The following RAD21 variants were observed in gnomAD, a reference collection of about 807,000 sequenced individuals.
RAD21 encodes RAD21 cohesin complex component, also known as double-strand-break repair protein rad21 homolog.
In RAD21, 18 loss-of-function variants were observed where a neutral mutation model predicts 71.5. That is an observed-to-expected ratio of 0.25 (90% CI 0.17 to 0.37). RAD21 has a LOEUF of 0.37. Among genes scored for constraint, RAD21 ranks in the 10% least tolerant of loss-of-function variants. The probability of loss-of-function intolerance (pLI) is 1.00; values close to 1 mark genes in which losing one functional copy is unlikely to be tolerated. For missense variants in RAD21, 493 were observed against 769.1 expected, an observed-to-expected ratio of 0.64 and a Z score of 4.25; for synonymous variants, 248 against 254.0, an observed-to-expected ratio of 0.98 and a Z score of 0.22.
intron 12 of RAD21, among the ~76,000 whole-genome samples, chr8:116,850,373 C>G (rs1480861721): frequency 6.6e-6 from 1 of 152,160 alleles, no homozygotes; most frequent in Non-Finnish European, 1.5e-5. Context: ...AGCAAGAAAT[C>G]AGTGTAAGGA....
intron 3 of RAD21, among the ~76,000 whole-genome samples, chr8:116,862,550 T>G (rs2130478332): frequency 6.6e-6 from 1 of 152,208 alleles, no homozygotes; most frequent in African/African-American, 2.4e-5. Flanking sequence ...TAGAAACTGT[T>G]TAAGGCATTT....
Position 116,847,477 on chromosome 8 carries a change from C to T in RAD21, c.*23G>A, listed in dbSNP as rs1390979258. ...TTTGTAAGCACTAGTGAATCAAACA[C>T]TAGCTATAATGCTTCTAGCTCCTTA... On this transcript the variant is annotated 3_prime_UTR_variant, in exon 14 of 14. Coordinates refer to ENST00000297338, the MANE Select transcript of RAD21 (RefSeq NM_006265.3). 6.4e-7 allele frequency: 1 copy of T among 1,566,156 alleles called. No individual in the cohort carries two copies. Among genetic ancestry groups the T allele is most frequent in the Non-Finnish European group, 8.7e-7 (1 of 1,152,798 alleles).
intron 8 of RAD21, among the ~76,000 whole-genome samples, chr8:116,855,281 C>T (rs1812438659): frequency 1.3e-5 from 2 of 152,158 alleles, no homozygotes; most frequent in Non-Finnish European, 2.9e-5. Flanking sequence ...AAGGTAAAAA[C>T]TATGTCTAAA....
At chr8:116,852,799 TAATA>T (rs1214321317) in intron 9 of RAD21, 91 bp from the exon 10 acceptor site, 2 of 930,876 alleles carry the variant, frequency 2.1e-6, no homozygotes, top group East Asian at 3.0e-5. Context: ...AGGTATGTTC[TAATA>T]AATATAAGTG....
Position 116,858,407 on chromosome 8 carries a change from C to T in RAD21, c.426G>A (p.Glu142=). 6.2e-7 allele frequency: 1 copy of T among 1,613,238 alleles called. No homozygotes were observed. Among genetic ancestry groups the T allele is most frequent in the Admixed American group, 1.7e-5 (1 of 59,944 alleles). The change falls in exon 5 of 14, where the codon GAG becomes GAA. Residue 142 remains glutamate, a synonymous_variant. Coordinates refer to ENST00000297338, the MANE Select transcript of RAD21 (RefSeq NM_006265.3). ...TCCCAACTTCTTCTCTCATGGTTAT[C>T]TCTTCCACTCTACTCTGATTCAAGC... is the stretch of plus-strand genomic sequence containing the variant. The part of the protein sequence containing the change: ...QFSLNQSRVE[E]ITMREEVGNI...
chr8:116,856,558 ACAACTTTTAGTTTGTCAT>A, intron 7 of RAD21, 70 bp downstream of exon 7: 1 of 1,370,716 alleles, frequency 7.3e-7, no homozygotes, highest in Non-Finnish European at 9.7e-7. Flanking sequence ...ACTAAAAACT[ACAACTTTTAGTTTGTCAT>A]CTTCTATGGT....
chr8:116,851,471 C>T (rs2130457638), intron 11 of RAD21: 1 of 152,588 alleles, frequency 6.6e-6, no homozygotes. Context: ...ATTGGAAAGC[C>T]CTAAACCAAA....
At chr8:116,869,846 A>C (rs1381150449) in intron 1 of RAD21, among the ~76,000 whole-genome samples, 1 of 152,224 alleles carries the variant, frequency 6.6e-6, no homozygotes, top group Non-Finnish European at 1.5e-5. Flanking sequence ...TCTAAAAGAT[A>C]CAGAGTAATT....
chr8:116,856,919 A>G (rs761478563), intron 6 of RAD21, 148 bp from the exon 7 acceptor site: 4 of 529,468 alleles, frequency 7.6e-6, no homozygotes, highest in African/African-American at 2.0e-5. Flanking sequence ...GGTAGTTTAT[A>G]AAAGTATAAA....
Position 116,866,346 on chromosome 8 carries a change from TATTTGCCATTAAAA to T in RAD21, c.144+226_144+239del, listed in dbSNP as rs1344108762. On this transcript the variant is annotated intron_variant, in intron 2 of 13. Transcript: ENST00000297338. The stretch of plus-strand genomic sequence containing the variant: ...TTTGGGCATTGCCCTGACTGATGCT[TATTTGCCATTAAAA>T]ATAGGCAAATCAAAATATATGCACT... Among the ~76,000 whole-genome samples, 4 of 152,130 alleles carry T rather than the reference TATTTGCCATTAAAA, an allele frequency of 2.6e-5. No individual in the cohort carries two copies. In the East Asian group the frequency reaches 5.8e-4, roughly 22 times the overall value.
intron 13 of RAD21, 28 bp downstream of exon 13, chr8:116,848,917 AT>A: frequency 1.3e-6 from 2 of 1,574,752 alleles, no homozygotes; most frequent in Non-Finnish European, 1.7e-6. Flanking sequence ...TTGATGAAGC[AT>A]TTTCCTCTGA....
rs966399468 is a variant in RAD21 at position 116,874,597 on chromosome 8, G to A, written c.-33+14C>T. ...GGAGCTGGAGGAAAAGAAGGGGTCGGCCGAGTCTCTTACCTTGCTCTCCGC... is the reference window on the plus strand; with the variant it reads ...GGAGCTGGAGGAAAAGAAGGGGTCGACCGAGTCTCTTACCTTGCTCTCCGC... On this transcript the variant is annotated intron_variant, in intron 1 of 13. Transcript: ENST00000297338. 1 of 338,234 alleles carries A rather than the reference G, an allele frequency of 3.0e-6. No homozygotes were observed. Among genetic ancestry groups the A allele is most frequent in the Non-Finnish European group, 5.8e-6 (1 of 172,022 alleles). 21.0% of individuals were successfully genotyped at this position (338,234 alleles called of 1,614,324 possible).
rs1812596890 is a variant in RAD21, at chr8:116,861,690, T to C, written c.374+151A>G. 6 of 429,656 alleles carry C rather than the reference T, an allele frequency of 1.4e-5. 1 individual carries two copies. Among genetic ancestry groups the C allele is most frequent in the South Asian group, 9.5e-5 (2 of 21,128 alleles). The allele number at this position is 429,656 out of a possible 1,614,324, so 26.6% of individuals were successfully genotyped here. A position where few individuals can be genotyped will look rare whatever the true frequency, so the allele number is the denominator to read the frequency against. On this transcript the variant is annotated intron_variant, in intron 4 of 13. Coordinates refer to ENST00000297338, the MANE Select transcript of RAD21 (RefSeq NM_006265.3). ...CAGAAGAACAACTTTCTAGGTTTTA[T>C]GTTCCATATTTATATACTATCCTAT...
chr8:116,864,680 G>C (rs1448721781), intron 2 of RAD21, among the ~76,000 whole-genome samples: 2 of 151,946 alleles, frequency 1.3e-5, no homozygotes, highest in Non-Finnish European at 2.9e-5. Flanking sequence ...TAAGAACAAA[G>C]GAGGGAAAAA....
intron 8 of RAD21, 25 bp from the exon 9 acceptor site, chr8:116,854,493 T>A: frequency 6.3e-7 from 1 of 1,577,996 alleles, no homozygotes; most frequent in Non-Finnish European, 8.7e-7. Flanking sequence ...AAAAATAAGA[T>A]CATTTTCCTG....
At chr8:116,865,941 A>T (rs1812681284) in intron 2 of RAD21, among the ~76,000 whole-genome samples, 1 of 152,136 alleles carries the variant, frequency 6.6e-6, no homozygotes, top group Non-Finnish European at 1.5e-5. Context: ...TTATATTAAC[A>T]CATCATTACC....
chr8:116,847,383 CAA>C lies in RAD21; in HGVS notation c.*115_*116del. On this transcript the variant is annotated 3_prime_UTR_variant, in exon 14 of 14. Coordinates refer to ENST00000297338, the MANE Select transcript of RAD21 (RefSeq NM_006265.3). The stretch of plus-strand genomic sequence containing the variant: ...GGAAAAAAATGAAGAAGGAAAAAGG[CAA>C]AGACTTTGTACAGACAAAAATCTAA... The C allele has an allele frequency of 1.1e-6, 1 of 872,322 alleles. No individual in the cohort carries two copies. The highest frequency in any genetic ancestry group is 1.7e-5 in the African/African-American group (1 of 57,772). The allele number at this position is 872,322 out of a possible 1,614,324, so 54.0% of individuals were successfully genotyped here.
At chr8:116,866,514 G>GT in intron 2 of RAD21, 72 bp downstream of exon 2, 1 of 1,469,420 alleles carries the variant, frequency 6.8e-7, no homozygotes, top group African/African-American at 1.4e-5. Flanking sequence ...TAAAAAAACT[G>GT]TTTTAGAAGT....
rs141908107 is a variant in RAD21, at chr8:116,873,927, T to C, written c.-33+684A>G. On this transcript the variant is annotated intron_variant, in intron 1 of 13. Transcript: ENST00000297338. ...TTCAGGGGAAAACCAATTATGCAAATATCCTTGGAAAAAGAAGCAACTTCC... is the reference window on the plus strand; with the variant it reads ...TTCAGGGGAAAACCAATTATGCAAACATCCTTGGAAAAAGAAGCAACTTCC... Among the ~76,000 whole-genome samples the C allele has an allele frequency of 2.6e-4, 40 of 152,280 alleles. 1 individual carries two copies. The East Asian group carries it at 6.8e-3, about 26-fold the overall frequency.
Sources: gnomAD v4.1 joint callset for allele counts (sites outside exome capture counted in the v4.1 genomes callset) on GRCh38, gnomAD v4.1.1 for gene constraint, MANE v1.5 for transcripts, NCBI Gene and HGNC (gene_info 2026-07-23, HGNC 2026-07-21) for gene names.